SHLD2: variants seen among roughly 807,000 people sequenced by gnomAD.
SHLD2 encodes the protein shieldin complex subunit 2, also known as RINN1-REV7-interacting novel NHEJ regulator 2.
Under a neutral mutation model 73.2 loss-of-function variants are expected in SHLD2, and 30 were observed. The observed-to-expected ratio is 0.41, with a 90% CI of 0.31 to 0.56. SHLD2 has a LOEUF of 0.56. Ranked by LOEUF, SHLD2 falls within the 20% of genes least tolerant of loss-of-function variation. SHLD2 has a pLI of 0.28. For synonymous variants in SHLD2, 285 were observed against 370.1 expected (o/e 0.77, Z 2.64); for missense variants, 745 against 1,055.9 (o/e 0.71, Z 4.08).
chr10:87,168,230 G>C (rs1847340436), intron 4 of SHLD2, among the ~76,000 whole-genome samples: 1 of 151,934 alleles, frequency 6.6e-6, no homozygotes, highest in African/African-American at 2.4e-5. Flanking sequence ...ATCAACCTAG[G>C]TGGCCATCAG....
At chr10:87,140,959 C>A (rs187612497) in intron 2 of SHLD2, among the ~76,000 whole-genome samples, 1 of 151,256 alleles carries the variant, frequency 6.6e-6, no homozygotes, top group Non-Finnish European at 1.5e-5. Flanking sequence ...TAAAGCATGA[C>A]GGGAGATCCT....
intron 4 of SHLD2, among the ~76,000 whole-genome samples, chr10:87,161,425 A>G (rs1304468944): frequency 6.6e-6 from 1 of 152,220 alleles, no homozygotes; most frequent in Non-Finnish European, 1.5e-5. Context: ...AGCCTGGGCA[A>G]CAGAGCAAGG....
At chr10:87,102,729 T>A (rs577657952) in intron 2 of SHLD2, among the ~76,000 whole-genome samples, 328 of 151,736 alleles carry the variant, frequency 2.2e-3, no homozygotes, top group Non-Finnish European at 3.4e-3. Context: ...AAGAAAAAAA[T>A]TTTTAAAAAT....
intron 2 of SHLD2, among the ~76,000 whole-genome samples, chr10:87,127,265 A>G (rs1844073808): frequency 6.6e-6 from 1 of 152,166 alleles, no homozygotes; most frequent in South Asian, 2.1e-4. Flanking sequence ...CTATTGTGAA[A>G]TGGAAAAATG....
At chr10:87,111,237 C>A (rs1842901527) in intron 2 of SHLD2, among the ~76,000 whole-genome samples, 1 of 152,120 alleles carries the variant, frequency 6.6e-6, no homozygotes, top group Admixed American at 6.5e-5. Flanking sequence ...TCATGGCTCA[C>A]TGCAGTTTCA....
chr10:87,095,052 G>A (rs1841709282), upstream of SHLD2: 1 of 144,842 alleles, frequency 6.9e-6, no homozygotes, highest in Admixed American at 6.8e-5. Flanking sequence ...GCGCAGGCGC[G>A]GGCGGGCTCG....
intron 4 of SHLD2, among the ~76,000 whole-genome samples, chr10:87,158,678 TTTCTC>T (rs1243730132): frequency 6.6e-6 from 1 of 152,158 alleles, no homozygotes; most frequent in Non-Finnish European, 1.5e-5. Flanking sequence ...AATGTCCAGT[TTTCTC>T]TTCTTTAAAA....
At chr10:87,135,183 A>G (rs1235044264) in intron 2 of SHLD2, among the ~76,000 whole-genome samples, 2 of 151,556 alleles carry the variant, frequency 1.3e-5, no homozygotes, top group Non-Finnish European at 2.9e-5. Flanking sequence ...AACACCTTAT[A>G]TTAGTATGGT....
chr10:87,150,579 G>A (rs61858911), intron 2 of SHLD2, among the ~76,000 whole-genome samples: 46,766 of 150,718 alleles, frequency 0.31, 7,840 homozygotes, highest in South Asian at 0.43. Flanking sequence ...TGGCCGACAT[G>A]GTGAAACCCC....
intron 3 of SHLD2, 55 bp downstream of exon 3, chr10:87,152,934 T>C: frequency 6.5e-7 from 1 of 1,529,760 alleles, no homozygotes; most frequent in East Asian, 2.2e-5. Flanking sequence ...GTTTTGTTTG[T>C]TTTTGTTTTT....
chr10:87,129,349 C>G (rs1844266535), intron 2 of SHLD2, among the ~76,000 whole-genome samples: 1 of 152,188 alleles, frequency 6.6e-6, no homozygotes, highest in African/African-American at 2.4e-5. Flanking sequence ...CTTCGGCCTC[C>G]CAAAGTGCTG....
At chr10:87,146,943 C>G (rs1257147175) in intron 2 of SHLD2, among the ~76,000 whole-genome samples, 1 of 150,940 alleles carries the variant, frequency 6.6e-6, no homozygotes, top group Non-Finnish European at 1.5e-5. Context: ...GTAATCTCAG[C>G]TACTTGGGAG....
At chr10:87,139,008 A>G (rs1411999801) in intron 2 of SHLD2, among the ~76,000 whole-genome samples, 1 of 152,234 alleles carries the variant, frequency 6.6e-6, no homozygotes, top group African/African-American at 2.4e-5. Context: ...ACTACACAGA[A>G]ATCTATAGAA....
chr10:87,114,786 C>G (rs2134028709), intron 2 of SHLD2, among the ~76,000 whole-genome samples: 1 of 152,094 alleles, frequency 6.6e-6, no homozygotes, highest in South Asian at 2.1e-4. Flanking sequence ...ATAACAATAG[C>G]TATATTATGA....
At chr10:87,174,975 G>T (rs912455758) in intron 6 of SHLD2, among the ~76,000 whole-genome samples, 3 of 152,024 alleles carry the variant, frequency 2.0e-5, no homozygotes, top group Non-Finnish European at 4.4e-5. Flanking sequence ...AATTTAGCCG[G>T]GCGTGGTGGC....
At chr10:87,094,667 C>T (rs1218323827), upstream of SHLD2, 1 of 1,563,332 alleles carries the variant, frequency 6.4e-7, no homozygotes, top group South Asian at 1.2e-5. This position sits in a 1 kb window ranked among gnomAD's most constrained non-coding sequence, Gnocchi z 6.6. Context: ...GCGGGCTGTC[C>T]CCGGGCCCAG....
At chr10:87,148,130 C>T (rs554189825) in intron 2 of SHLD2, among the ~76,000 whole-genome samples, 11 of 152,322 alleles carry the variant, frequency 7.2e-5, no homozygotes, top group Non-Finnish European at 1.5e-4. Flanking sequence ...GGATTACAGG[C>T]GTGAGCCAAG....
upstream of SHLD2, chr10:87,094,920 C>T: frequency 2.2e-6 from 1 of 449,682 alleles, no homozygotes. This position sits in a 1 kb window ranked among gnomAD's most constrained non-coding sequence, Gnocchi z 6.6. Flanking sequence ...CGGGCGCTCG[C>T]CACCTAACGG....
chr10:87,101,496 A>C (rs1188602581), intron 2 of SHLD2, among the ~76,000 whole-genome samples: 1 of 152,232 alleles, frequency 6.6e-6, no homozygotes, highest in African/African-American at 2.4e-5. Context: ...CCTGGGCTTA[A>C]GACATCCTCC....
Sources: allele counts gnomAD v4.1 joint callset (sites outside exome capture counted in the v4.1 genomes callset), GRCh38; gene constraint gnomAD v4.1.1; non-coding constraint Gnocchi (gnomAD v3.1); transcripts MANE v1.5; gene names NCBI Gene and HGNC (gene_info 2026-07-23, HGNC 2026-07-21).